The following WWP1 variants were observed in gnomAD, a reference collection of about 807,000 sequenced individuals.
WWP1 encodes the protein NEDD4-like E3 ubiquitin-protein ligase WWP1.
A neutral mutation model predicts 130.6 loss-of-function variants in WWP1; 49 were observed. The ratio of observed to expected loss-of-function variants is 0.38; its 90% CI spans 0.30 to 0.48. WWP1 has a LOEUF of 0.48. WWP1 is among the 20% of genes least tolerant of loss of function. The pLI is 0.99. For synonymous variants in WWP1, 332 were observed against 367.8 expected (o/e 0.90, Z 1.11); for missense variants, 809 against 1,100.6 (o/e 0.74, Z 3.75).
intron 3 of WWP1, among the ~76,000 whole-genome samples, chr8:86,375,258 G>A (rs1295825968): frequency 6.6e-6 from 1 of 151,374 alleles, no homozygotes; most frequent in East Asian, 1.9e-4. Context: ...TTCTCTATTT[G>A]GTTATATCAC....
intron 5 of WWP1, among the ~76,000 whole-genome samples, chr8:86,394,114 T>C (rs182857893): frequency 6.6e-6 from 1 of 152,376 alleles, no homozygotes; most frequent in African/African-American, 2.4e-5. Flanking sequence ...CAGAATAATT[T>C]GTTACTCAGC....
chr8:86,460,152 T>C lies in WWP1; in HGVS notation c.2500-1072T>C, dbSNP rs543033200. On this transcript the variant is annotated intron_variant, in intron 22 of 24. Transcript: ENST00000517970. ...CGTTGAAAATAACCAGTCAATGAAA[T>C]AGATAATTTTAGAGGAATGTGTACT... Among the ~76,000 whole-genome samples the C allele has an allele frequency of 2.6e-5, 4 of 152,298 alleles. No homozygotes were observed. In the South Asian group the frequency reaches 8.3e-4, roughly 32 times the overall value.
intron 1 of WWP1, among the ~76,000 whole-genome samples, chr8:86,346,055 A>G (rs1822558955): frequency 6.6e-6 from 1 of 152,224 alleles, no homozygotes. Flanking sequence ...CAGTAAGACT[A>G]GATGATCCCA....
intron 24 of WWP1, among the ~76,000 whole-genome samples, chr8:86,463,871 G>A (rs1292834666): frequency 6.6e-6 from 1 of 151,692 alleles, no homozygotes; most frequent in African/African-American, 2.4e-5. Flanking sequence ...GACCAGCCTG[G>A]GCAACATGGT....
rs768342604 is a variant in WWP1, at chr8:86,430,703, A to G, written c.1339A>G (p.Met447Val). 1.9e-6 allele frequency: 3 copies of G among 1,581,530 alleles called. No homozygotes were observed. The highest frequency in any genetic ancestry group is 1.1e-5 in the South Asian group (1 of 88,118). ...TAATCTTTTCTCCAATCAGGCTTCA[A>G]TGTTAGCTGCAGAAAATGACCCTTA... Reference protein sequence around the residue: ...FNQRYLYSASMLAAENDPYGP... With the variant: ...FNQRYLYSASVLAAENDPYGP... Residue 447 changes from methionine to valine, a missense_variant, in exon 12 of 25, where the codon ATG becomes GTG. Coordinates refer to ENST00000517970, the MANE Select transcript of WWP1 (RefSeq NM_007013.4).
chr8:86,430,675 C>T (rs1432836655), intron 11 of WWP1, 22 bp from the exon 12 acceptor site: 1 of 1,577,394 alleles, frequency 6.3e-7, no homozygotes, highest in Non-Finnish European at 8.6e-7. Flanking sequence ...TTATTTCTCT[C>T]CCTAATCTTT....
At chr8:86,397,871 T>C (rs1807764600) in intron 5 of WWP1, among the ~76,000 whole-genome samples, 1 of 152,210 alleles carries the variant, frequency 6.6e-6, no homozygotes, top group South Asian at 2.1e-4. Flanking sequence ...TTGCATTTGG[T>C]CCTCAACACT....
At chr8:86,424,953 G>A (rs1809531429) in intron 9 of WWP1, among the ~76,000 whole-genome samples, 1 of 151,834 alleles carries the variant, frequency 6.6e-6, no homozygotes, top group African/African-American at 2.4e-5. Context: ...TTTAAAATGT[G>A]GGGTATTCTC....
chr8:86,445,966 C>CTTTTT (rs1810840652), intron 18 of WWP1, among the ~76,000 whole-genome samples: 1 of 113,140 alleles, frequency 8.8e-6, no homozygotes, highest in African/African-American at 3.7e-5. Flanking sequence ...CTTTTCTTTT[C>CTTTTT]TTTTCTTTTC....
intron 17 of WWP1, among the ~76,000 whole-genome samples, chr8:86,439,140 G>A (rs890780919): frequency 1.3e-5 from 2 of 151,950 alleles, no homozygotes; most frequent in African/African-American, 4.8e-5. Flanking sequence ...TCAGGAGATC[G>A]AGACCATCCT....
intron 10 of WWP1, 140 bp downstream of exon 10, chr8:86,425,458 G>GCAAACAGTACAA: frequency 1.8e-6 from 1 of 566,524 alleles, no homozygotes. Flanking sequence ...AATAATGAAT[G>GCAAACAGTACAA]TTCAGTCAAT....
At chr8:86,461,609 G>A in intron 23 of WWP1, 165 bp from the exon 24 acceptor site, 1 of 652,804 alleles carries the variant, frequency 1.5e-6, no homozygotes, top group Non-Finnish European at 2.7e-6. Context: ...CTTATTGCTG[G>A]ATCTCTGCAA....
chr8:86,463,094 GCTTT>G (rs935320047), intron 24 of WWP1, among the ~76,000 whole-genome samples: 9 of 152,056 alleles, frequency 5.9e-5, no homozygotes, highest in Admixed American at 3.3e-4. Context: ...GAACTAGCTT[GCTTT>G]CTTTTATGGA....
chr8:86,355,653 T>G (rs1434533255), intron 1 of WWP1, among the ~76,000 whole-genome samples: 1 of 152,196 alleles, frequency 6.6e-6, no homozygotes, highest in Non-Finnish European at 1.5e-5. Context: ...AAACATGATC[T>G]CTAACAGCTT....
intron 9 of WWP1, among the ~76,000 whole-genome samples, chr8:86,423,978 T>G (rs1394352998): frequency 4.1e-3 from 14 of 3,378 alleles, no homozygotes; most frequent in Non-Finnish European, 9.0e-3. Context: ...AGTTAGCGCT[T>G]ATGGGGCTGC....
intron 5 of WWP1, chr8:86,386,877 C>T (rs907102281): frequency 1.3e-5 from 2 of 152,174 alleles, no homozygotes; most frequent in African/African-American, 2.4e-5. Flanking sequence ...CCAGCAGGTT[C>T]GAGTTTGGAG....
Position 86,461,232 on chromosome 8 carries a change from A to G in WWP1, c.2508A>G (p.Lys836=). 1 of 1,613,802 alleles carries G rather than the reference A, an allele frequency of 6.2e-7. No individual in the cohort carries two copies. The highest frequency in any genetic ancestry group is 8.5e-7 in the Non-Finnish European group (1 of 1,179,724). Residue 836 remains lysine, a synonymous_variant, in exon 23 of 25, where the codon AAA becomes AAG. Transcript: ENST00000517970. ...ATTTAATTTCATTACAGTTTGTGAAAGAGACAGACAATGAAGTAAGAATGC... is the reference window on the plus strand; with the variant it reads ...ATTTAATTTCATTACAGTTTGTGAAGGAGACAGACAATGAAGTAAGAATGC... ...KQIIWFWQFV[K]ETDNEVRMRL... is the part of the protein sequence containing the mutation.
intron 21 of WWP1, among the ~76,000 whole-genome samples, chr8:86,457,496 TACAC>T (rs897905811): frequency 1.3e-5 from 2 of 151,646 alleles, no homozygotes; most frequent in African/African-American, 4.8e-5. Context: ...TGTGTGTATT[TACAC>T]ACACACACCA....
intron 5 of WWP1, among the ~76,000 whole-genome samples, chr8:86,394,061 C>T (rs1364785377): frequency 1.3e-5 from 2 of 152,176 alleles, no homozygotes; most frequent in Non-Finnish European, 2.9e-5. Context: ...CTTGAGTTCT[C>T]GGCAATAATG....
Sources: gnomAD v4.1 joint callset for allele counts (sites outside exome capture counted in the v4.1 genomes callset) on GRCh38, gnomAD v4.1.1 for gene constraint, MANE v1.5 for transcripts, NCBI Gene and HGNC (gene_info 2026-07-23, HGNC 2026-07-21) for gene names.